TBCA: variants seen among roughly 807,000 people sequenced by gnomAD.
TBCA encodes the protein tubulin-specific chaperone A.
A neutral mutation model predicts 15.8 loss-of-function variants in TBCA; 6 were observed. That is an observed-to-expected ratio of 0.38 (90% confidence interval 0.21 to 0.75). The LOEUF (loss-of-function observed/expected upper bound fraction) is 0.75, where lower values mean the gene tolerates loss of function less well. Ranked by LOEUF, TBCA falls within the 30% of genes least tolerant of loss-of-function variation. The pLI is 0.46. For missense variants in TBCA, 90 were observed against 131.2 expected, an observed-to-expected ratio of 0.69 and a Z score of 1.53; for synonymous variants, 32 against 42.3, an observed-to-expected ratio of 0.76 and a Z score of 0.94.
intron 1 of TBCA, 129 bp downstream of exon 1, chr5:77,776,076 C>G: frequency 8.5e-7 from 1 of 1,179,938 alleles, no homozygotes; most frequent in Non-Finnish European, 1.2e-6. Flanking sequence ...CAGCCAACTG[C>G]GGAGCCCCGG....
At chr5:77,731,955 G>T (rs1014806845) in intron 1 of TBCA, among the ~76,000 whole-genome samples, 11 of 152,160 alleles carry the variant, frequency 7.2e-5, no homozygotes, top group Non-Finnish European at 1.5e-4. Context: ...GACTGTTAAG[G>T]AAGTAAGTTT....
At chr5:77,731,798 A>G (rs387781) in intron 1 of TBCA, among the ~76,000 whole-genome samples, 57,920 of 151,884 alleles carry the variant, frequency 0.38, 11,061 homozygotes, top group South Asian at 0.41. Context: ...CAGGTTTTAC[A>G]TAGATAAGGA....
intron 2 of TBCA, chr5:77,705,698 C>T (rs1451034437): frequency 5.0e-6 from 2 of 396,812 alleles, no homozygotes; most frequent in African/African-American, 4.1e-5. Flanking sequence ...CATGGTGGCA[C>T]ACATCTGTAG....
chr5:77,692,103 T>C (rs1561260661), intron 3 of TBCA: 2 of 982,910 alleles, frequency 2.0e-6, no homozygotes, highest in Non-Finnish European at 2.4e-6. Flanking sequence ...ACTAATATAT[T>C]GTAATGATAA....
intron 1 of TBCA, among the ~76,000 whole-genome samples, chr5:77,772,888 T>C (rs571505221): frequency 2.6e-5 from 4 of 152,226 alleles, no homozygotes; most frequent in African/African-American, 7.2e-5. Context: ...TCTCAATGAG[T>C]ATTTTCTCTA....
chr5:77,702,429 T>C (rs899393656), intron 2 of TBCA, among the ~76,000 whole-genome samples: 1 of 152,226 alleles, frequency 6.6e-6, no homozygotes, highest in Non-Finnish European at 1.5e-5. Flanking sequence ...TTTTAAAAGG[T>C]TACATACTGT....
chr5:77,758,247 G>A (rs1561282735), intron 1 of TBCA, among the ~76,000 whole-genome samples: 1 of 149,764 alleles, frequency 6.7e-6, no homozygotes, highest in Non-Finnish European at 1.5e-5. Flanking sequence ...TCAAAGACAG[G>A]CGGCCTGGCA....
At chr5:77,775,907 C>A (rs1580145430) in intron 1 of TBCA, among the ~76,000 whole-genome samples, 1 of 152,288 alleles carries the variant, frequency 6.6e-6, no homozygotes, top group Middle Eastern at 3.4e-3. Flanking sequence ...CCCTCGCAGG[C>A]CGCGGCCCAC....
intron 1 of TBCA, among the ~76,000 whole-genome samples, chr5:77,733,137 C>A (rs904807077): frequency 1.3e-5 from 2 of 152,132 alleles, no homozygotes; most frequent in Non-Finnish European, 2.9e-5. Context: ...AAAAATTATC[C>A]AGACATCGTG....
chr5:77,776,249 A>G lies in TBCA; in HGVS notation c.9T>C (p.Asp3=), dbSNP rs1465274827. 6.3e-7 allele frequency: 1 copy of G among 1,580,230 alleles called. No homozygotes were observed. Among genetic ancestry groups the G allele is most frequent in the Non-Finnish European group, 8.6e-7 (1 of 1,164,088 alleles). Residue 3 remains aspartate, a synonymous_variant, in exon 1 of 4, where the codon GAT becomes GAC. Transcript: ENST00000380377. Reference sequence around the variant, plus strand: ...TGATCTTGATCTGTCTCACGCGAGGATCGGCCATGGTCCCTCGAGCGCCGC... The same window carrying G: ...TGATCTTGATCTGTCTCACGCGAGGGTCGGCCATGGTCCCTCGAGCGCCGC... MA[D]PRVRQIKIKT... is the part of the protein sequence containing the mutation.
intron 3 of TBCA, chr5:77,691,884 G>A: frequency 1.0e-6 from 1 of 993,438 alleles, no homozygotes; most frequent in Non-Finnish European, 1.2e-6. Context: ...ACAGCATTCA[G>A]GCCAAAATAA....
intron 1 of TBCA, among the ~76,000 whole-genome samples, chr5:77,736,322 C>T (rs376031296): frequency 3.7e-5 from 5 of 133,662 alleles, no homozygotes; most frequent in East Asian, 2.1e-4. Flanking sequence ...AGTGACAGAG[C>T]GAGACTCCGT....
At chr5:77,772,231 C>T (rs990625421) in intron 1 of TBCA, among the ~76,000 whole-genome samples, 23 of 152,026 alleles carry the variant, frequency 1.5e-4, no homozygotes, top group Non-Finnish European at 2.9e-5. Flanking sequence ...AAATGTTCAA[C>T]TTATGTACAG....
intron 1 of TBCA, among the ~76,000 whole-genome samples, chr5:77,710,104 G>A (rs1580099245): frequency 6.6e-6 from 1 of 152,264 alleles, no homozygotes; most frequent in East Asian, 1.9e-4. Context: ...GCACAACTCT[G>A]TGAATCTACT....
intron 1 of TBCA, among the ~76,000 whole-genome samples, chr5:77,732,323 T>C (rs929274503): frequency 6.6e-5 from 10 of 152,116 alleles, no homozygotes; most frequent in African/African-American, 2.4e-4. Flanking sequence ...TTTGCTGATG[T>C]TGGATTTTTG....
At chr5:77,691,946 T>A in intron 3 of TBCA, 3 of 987,188 alleles carry the variant, frequency 3.0e-6, no homozygotes, top group Non-Finnish European at 3.6e-6. Context: ...ACAACAGAGT[T>A]AAATATAATC....
At chr5:77,710,772 C>T (rs1031848544) in intron 1 of TBCA, among the ~76,000 whole-genome samples, 5 of 152,174 alleles carry the variant, frequency 3.3e-5, no homozygotes, top group African/African-American at 9.7e-5. Flanking sequence ...GGCCTTTGCA[C>T]GCCTTTGAGT....
chr5:77,709,505 A>AT (rs973921815), intron 1 of TBCA, among the ~76,000 whole-genome samples: 10 of 152,340 alleles, frequency 6.6e-5, no homozygotes, highest in Non-Finnish European at 1.2e-4. Flanking sequence ...CACATATGTA[A>AT]TAAAAATAGC....
At position 77,713,773 on chromosome 5, in the gene TBCA, A is replaced by C. The variant is rs183072605; in HGVS notation, c.54-5426T>G. On this transcript the variant is annotated intron_variant, in intron 1 of 3. Transcript: ENST00000380377. The stretch of plus-strand genomic sequence containing the variant: ...TATTTAAACATTAATAAGCATATTA[A>C]AGTTTACACCACAGCAAAGTAAAAT... Among the ~76,000 whole-genome samples, 3 of 152,310 alleles carry C rather than the reference A, an allele frequency of 2.0e-5. No homozygotes were observed. The East Asian group carries it at 5.8e-4, about 29-fold the overall frequency.
Sources: allele counts gnomAD v4.1 joint callset (sites outside exome capture counted in the v4.1 genomes callset), GRCh38; gene constraint gnomAD v4.1.1; transcripts MANE v1.5; gene names NCBI Gene and HGNC (gene_info 2026-07-23, HGNC 2026-07-21).